PCLO: variants seen among roughly 807,000 people sequenced by gnomAD.
The protein encoded by PCLO is piccolo presynaptic cytomatrix protein, also known as protein piccolo.
Under a neutral mutation model 427.5 loss-of-function variants are expected in PCLO, and 82 were observed. The observed-to-expected ratio is 0.19, with a 90% CI of 0.16 to 0.23. PCLO has a LOEUF of 0.23. PCLO is among the 10% of genes least tolerant of loss of function. The pLI is 1.00. For synonymous variants in PCLO, 2,357 were observed against 2,155.4 expected, an observed-to-expected ratio of 1.09 and a Z score of -2.59; for missense variants, 6,239 against 6,115.9, an observed-to-expected ratio of 1.02 and a Z score of -0.67.
chr7:83,100,365 A>G (rs1790707050), intron 3 of PCLO, among the ~76,000 whole-genome samples: 1 of 152,204 alleles, frequency 6.6e-6, no homozygotes, highest in Non-Finnish European at 1.5e-5. Context: ...ACATGTATAT[A>G]TTGCAGCACT....
intron 22 of PCLO, among the ~76,000 whole-genome samples, chr7:82,762,372 C>A (rs945482838): frequency 2.2e-4 from 34 of 152,000 alleles, no homozygotes; most frequent in African/African-American, 7.7e-4. Context: ...GAAATAAATG[C>A]CTATGTGATA....
chr7:82,806,687 G>T (rs573822372), intron 20 of PCLO, among the ~76,000 whole-genome samples: 1 of 152,048 alleles, frequency 6.6e-6, no homozygotes, highest in South Asian at 2.1e-4. Context: ...TGAACTTTTC[G>T]GTCACACCGA....
intron 3 of PCLO, among the ~76,000 whole-genome samples, chr7:83,090,905 A>G (rs540088777): frequency 6.6e-6 from 1 of 152,218 alleles, no homozygotes; most frequent in East Asian, 1.9e-4. Context: ...CCTTTTGATT[A>G]GTAACGAAGC....
intron 13 of PCLO, among the ~76,000 whole-genome samples, chr7:82,844,383 C>T (rs893310635): frequency 6.6e-6 from 1 of 152,098 alleles, no homozygotes; most frequent in Non-Finnish European, 1.5e-5. Flanking sequence ...AATCATTTTA[C>T]GATGCAATGA....
rs188325082 is a variant in PCLO, at chr7:82,827,697, A to G, written c.14343+176T>C. 2.0e-3 allele frequency among the ~76,000 whole-genome samples: 302 copies of G among 151,996 alleles called. 5 individuals carry two copies. Among genetic ancestry groups the G allele is most frequent in the African/African-American group, 6.9e-3 (285 of 41,494 alleles). ...TGTCAAAATGTGCACATTTACTTTC[A>G]CCCTGTGCTTAAATGTCACTCATTT... is the stretch of plus-strand genomic sequence containing the variant. On this transcript the variant is annotated intron_variant, in intron 17 of 24. Coordinates refer to ENST00000333891, the MANE Select transcript of PCLO (RefSeq NM_033026.6).
At chr7:82,938,205 A>T (rs937457342) in intron 6 of PCLO, among the ~76,000 whole-genome samples, 5 of 151,938 alleles carry the variant, frequency 3.3e-5, no homozygotes, top group African/African-American at 1.2e-4. Flanking sequence ...TTTAAAGAAT[A>T]TATTACATTT....
At chr7:82,770,105 A>T (rs1790618242) in intron 22 of PCLO, among the ~76,000 whole-genome samples, 1 of 152,004 alleles carries the variant, frequency 6.6e-6, no homozygotes, top group African/African-American at 2.4e-5. Context: ...TATTGTTTCT[A>T]TTCTACCAGT....
intron 3 of PCLO, among the ~76,000 whole-genome samples, chr7:83,010,661 C>G (rs1021163783): frequency 8.6e-5 from 13 of 151,390 alleles, no homozygotes; most frequent in Admixed American, 4.0e-4. Flanking sequence ...GAAATTATCT[C>G]CTAACTTTTC....
chr7:82,894,973 A>G (rs1286641014), intron 9 of PCLO, among the ~76,000 whole-genome samples: 3 of 152,130 alleles, frequency 2.0e-5, no homozygotes, highest in Non-Finnish European at 4.4e-5. Flanking sequence ...TGTGCAGCAC[A>G]GAGAGAAGTT....
intron 3 of PCLO, among the ~76,000 whole-genome samples, chr7:83,125,452 G>A (rs984497651): frequency 2.0e-5 from 3 of 152,222 alleles, no homozygotes; most frequent in African/African-American, 7.2e-5. Context: ...ATAGAAAAGG[G>A]GGAGATGTGG....
At chr7:83,032,373 T>TCCCTCACTC (rs200376848) in intron 3 of PCLO, among the ~76,000 whole-genome samples, 2,210 of 149,558 alleles carry the variant, frequency 0.015, 63 homozygotes, top group African/African-American at 0.052. Flanking sequence ...CATTCTCCAT[T>TCCCTCACTC]CCCTCACTCC....
At chr7:82,775,754 G>T (rs62466902) in intron 22 of PCLO, among the ~76,000 whole-genome samples, 2,479 of 152,112 alleles carry the variant, frequency 0.016, 32 homozygotes, top group Middle Eastern at 0.034. Flanking sequence ...TTCTTTCATA[G>T]ACTGTGCCTT....
chr7:83,116,729 G>C (rs1293491910), intron 3 of PCLO, among the ~76,000 whole-genome samples: 1 of 152,036 alleles, frequency 6.6e-6, no homozygotes. Context: ...TAAAAGACTT[G>C]AGCTCATTCC....
intron 3 of PCLO, among the ~76,000 whole-genome samples, chr7:83,100,843 T>C (rs1162477466): frequency 6.6e-6 from 1 of 152,120 alleles, no homozygotes; most frequent in Non-Finnish European, 1.5e-5. Context: ...ATATGAAAAA[T>C]TTATATATTC....
chr7:83,135,615 A>G lies in PCLO; in HGVS notation c.1935T>C (p.Ala645=). 1.2e-6 allele frequency: 2 copies of G among 1,610,600 alleles called. No individual in the cohort carries two copies. The highest frequency in any genetic ancestry group is 1.1e-5 in the South Asian group (1 of 90,494). Residue 645 remains alanine (A), a synonymous_variant, in exon 3 of 25, where the codon GCT becomes GCC. Coordinates refer to ENST00000333891, the MANE Select transcript of PCLO (RefSeq NM_033026.6). ...WLCLNCQMKR[A]LGGDLAPVPS... The stretch of plus-strand genomic sequence containing the variant: ...GAACTGGAGCCAGATCCCCGCCTAG[A>G]GCTCTTTTCATTTGACAGTTCAAAC...
rs192366140 is a variant in PCLO at position 82,991,190 on chromosome 7, T to C, written c.3301-24703A>G. 2.5e-3 allele frequency among the ~76,000 whole-genome samples: 379 copies of C among 152,256 alleles called. 1 individual carries two copies. The highest frequency in any genetic ancestry group is 8.4e-3 in the African/African-American group (350 of 41,560). ...CTAACTGTGTATCTCTGCATCTTTA[T>C]GTGTCTATTTATAGTATCTATCTGT... On this transcript the variant is annotated intron_variant, in intron 3 of 24. Transcript: ENST00000333891.
chr7:82,982,129 T>C (rs554337792), intron 3 of PCLO, among the ~76,000 whole-genome samples: 2 of 152,260 alleles, frequency 1.3e-5, no homozygotes, highest in African/African-American at 4.8e-5. Context: ...TAATTCATTA[T>C]TCCACATATT....
chr7:82,945,624 T>A (rs114827556), intron 6 of PCLO, among the ~76,000 whole-genome samples: 1,822 of 152,270 alleles, frequency 0.012, 36 homozygotes, highest in African/African-American at 0.042. Context: ...GGTACTGTTA[T>A]GAGAGCGCTA....
intron 22 of PCLO, among the ~76,000 whole-genome samples, chr7:82,781,651 G>T (rs778987123): frequency 6.6e-6 from 1 of 152,190 alleles, no homozygotes; most frequent in South Asian, 2.1e-4. Context: ...GGTGTGTGAG[G>T]CTTCAGGGGC....
Sources: allele counts gnomAD v4.1 joint callset (sites outside exome capture counted in the v4.1 genomes callset), GRCh38; gene constraint gnomAD v4.1.1; transcripts MANE v1.5; gene names NCBI Gene and HGNC (gene_info 2026-07-23, HGNC 2026-07-21).